Variants in NUDT3 observed in about 807,000 individuals in gnomAD.
The protein encoded by NUDT3 is nudix hydrolase 3.
In NUDT3, 9 loss-of-function variants were observed where a neutral mutation model predicts 23.6. That is an observed-to-expected ratio of 0.38 (90% confidence interval 0.23 to 0.66). NUDT3 has a LOEUF of 0.66. NUDT3 is among the 30% of genes least tolerant of loss of function. The probability of loss-of-function intolerance (pLI) is 0.52; values close to 1 mark genes in which losing one functional copy is unlikely to be tolerated. For synonymous variants in NUDT3, 86 were observed against 82.6 expected (o/e 1.04, Z -0.22); for missense variants, 172 against 218.5 (o/e 0.79, Z 1.34).
At chr6:34,317,500 G>T (rs562022102) in intron 2 of NUDT3, among the ~76,000 whole-genome samples, 6 of 152,146 alleles carry the variant, frequency 3.9e-5, no homozygotes, top group African/African-American at 1.4e-4. Context: ...AGACAACTCA[G>T]ATGTAGGAGA....
intron 3 of NUDT3, among the ~76,000 whole-genome samples, chr6:34,293,873 C>T (rs1032574251): frequency 6.6e-6 from 1 of 152,152 alleles, no homozygotes; most frequent in Non-Finnish European, 1.5e-5. Flanking sequence ...GATGGGTGGG[C>T]TACCACAGAG....
At chr6:34,376,534 CCCAAAGTGCTGGGATT>C (rs1764925869) in intron 1 of NUDT3, among the ~76,000 whole-genome samples, 1 of 152,170 alleles carries the variant, frequency 6.6e-6, no homozygotes, top group Non-Finnish European at 1.5e-5. Context: ...GCTTCCGCCT[CCCAAAGTGCTGGGATT>C]ACAGGCGTGA....
intron 2 of NUDT3, among the ~76,000 whole-genome samples, chr6:34,331,195 C>T (rs1764122269): frequency 6.6e-6 from 1 of 152,096 alleles, no homozygotes; most frequent in Admixed American, 6.6e-5. Context: ...ATTAACAAGG[C>T]TAGAGATAAT....
Position 34,349,406 on chromosome 6 carries a change from A to C in NUDT3, c.100-7434T>G, listed in dbSNP as rs1019291258. On this transcript the variant is annotated intron_variant, in intron 1 of 4. Coordinates refer to ENST00000607016, the MANE Select transcript of NUDT3 (RefSeq NM_006703.4). ...GGGTCAATGGTGTAGCAGCCTTCCAAGGAGAATATGGAGGCGTCAGTGGAG... is the reference window on the plus strand; with the variant it reads ...GGGTCAATGGTGTAGCAGCCTTCCACGGAGAATATGGAGGCGTCAGTGGAG... 2.5e-4 allele frequency among the ~76,000 whole-genome samples: 35 copies of C among 141,124 alleles called. 4 individuals are homozygous for C. The highest frequency in any genetic ancestry group is 1.0e-3 in the Admixed American group (15 of 14,500). The allele number at this position is 141,124 out of a possible 152,430, so 92.6% of individuals were successfully genotyped here.
chr6:34,362,666 G>C (rs1287207463), intron 1 of NUDT3, among the ~76,000 whole-genome samples: 1 of 152,046 alleles, frequency 6.6e-6, no homozygotes, highest in Non-Finnish European at 1.5e-5. Flanking sequence ...ATATTGGCCA[G>C]GCTGGTCTCA....
intron 2 of NUDT3, among the ~76,000 whole-genome samples, chr6:34,303,721 T>C (rs1381299538): frequency 1.3e-5 from 2 of 152,186 alleles, no homozygotes; most frequent in Admixed American, 6.6e-5. Context: ...TAAATGACAA[T>C]TTACTGTTCT....
intron 1 of NUDT3, among the ~76,000 whole-genome samples, chr6:34,349,373 T>C (rs1407977723): frequency 1.4e-5 from 2 of 139,814 alleles, no homozygotes; most frequent in East Asian, 1.9e-4. Flanking sequence ...ACTCCTTGGA[T>C]ATGGGCTGGG....
chr6:34,360,161 T>C (rs541883464), intron 1 of NUDT3, among the ~76,000 whole-genome samples: 24 of 137,736 alleles, frequency 1.7e-4, no homozygotes, highest in African/African-American at 5.8e-4. Flanking sequence ...CCTGGGGAGG[T>C]TGAAGCTGCA....
At chr6:34,295,769 T>C (rs190400036) in intron 2 of NUDT3, 84 bp from the exon 3 acceptor site, 16 of 1,554,612 alleles carry the variant, frequency 1.0e-5, no homozygotes, top group African/African-American at 6.9e-5. Context: ...GTTTATAAAA[T>C]AGAAACAAAA....
Position 34,282,962 on chromosome 6 carries a change from T to TC in NUDT3, c.*5790dup, listed in dbSNP as rs1328034868. ...CTTTTGTTGGCTAAAAGCACTTTCT[T>TC]CAGCATTCTGAGTTAACACGGGTTC... is the stretch of plus-strand genomic sequence containing the variant. On this transcript the variant is annotated 3_prime_UTR_variant, in exon 5 of 5. Transcript: ENST00000607016. 1 of 152,190 alleles carries TC rather than the reference T, an allele frequency of 6.6e-6. No individual in the cohort carries two copies. The highest frequency in any genetic ancestry group is 1.5e-5 in the Non-Finnish European group (1 of 68,028). 9.4% of individuals were successfully genotyped at this position (152,190 alleles called of 1,614,324 possible). A position where few individuals can be genotyped will look rare whatever the true frequency, so the allele number is the denominator to read the frequency against.
At chr6:34,360,237 C>CAAAAA (rs34629409) in intron 1 of NUDT3, among the ~76,000 whole-genome samples, 1 of 50,708 alleles carries the variant, frequency 2.0e-5, no homozygotes, top group Non-Finnish European at 4.4e-5. Context: ...GACCCTGTCT[C>CAAAAA]AAAAAAAAAA....
At chr6:34,358,180 CTCT>C (rs1764592548) in intron 1 of NUDT3, among the ~76,000 whole-genome samples, 1 of 151,888 alleles carries the variant, frequency 6.6e-6, no homozygotes, top group African/African-American at 2.4e-5. Context: ...TTGCCCTTCA[CTCT>C]TCTTTTTCAG....
rs865794324 is a variant in NUDT3 at position 34,328,234 on chromosome 6, G to A, written c.210+13628C>T. Among the ~76,000 whole-genome samples, 5 of 152,154 alleles carry A rather than the reference G, an allele frequency of 3.3e-5. No homozygotes were observed. In the South Asian group the frequency reaches 8.3e-4, roughly 25 times the overall value. Reference sequence around the variant, plus strand: ...TTTCTCTTGAAACATCAGAGGATCTGATCACACTGGGTCTTCCCCTTACCC... The same window carrying A: ...TTTCTCTTGAAACATCAGAGGATCTAATCACACTGGGTCTTCCCCTTACCC... On this transcript the variant is annotated intron_variant, in intron 2 of 4. Coordinates refer to ENST00000607016, the MANE Select transcript of NUDT3 (RefSeq NM_006703.4).
intron 2 of NUDT3, among the ~76,000 whole-genome samples, chr6:34,338,881 C>A (rs1300026382): frequency 6.6e-6 from 1 of 152,140 alleles, no homozygotes; most frequent in African/African-American, 2.4e-5. Flanking sequence ...TAATTGCAGA[C>A]AACAGAATCC....
At chr6:34,313,039 C>T (rs544320875) in intron 2 of NUDT3, among the ~76,000 whole-genome samples, 13 of 151,832 alleles carry the variant, frequency 8.6e-5, no homozygotes, top group South Asian at 2.1e-4. Context: ...TGGTGGCGCA[C>T]GACTACAGGC....
At chr6:34,289,042 TC>T (rs1474132018) in intron 4 of NUDT3, 111 bp from the exon 5 acceptor site, 73 of 1,337,262 alleles carry the variant, frequency 5.5e-5, no homozygotes, top group Admixed American at 1.6e-4. Flanking sequence ...ACACTTTTTT[TC>T]CTTACAAAAA....
chr6:34,351,505 GC>G (rs1222136840), intron 1 of NUDT3, among the ~76,000 whole-genome samples: 1 of 149,484 alleles, frequency 6.7e-6, no homozygotes, highest in Non-Finnish European at 1.5e-5. Flanking sequence ...ACTTTGGGAG[GC>G]CAAGGCGGGC....
At chr6:34,352,473 G>A (rs1403389639) in intron 1 of NUDT3, among the ~76,000 whole-genome samples, 1 of 152,076 alleles carries the variant, frequency 6.6e-6, no homozygotes, top group African/African-American at 2.4e-5. Context: ...CCTGGGCCTT[G>A]AGCTTATTTT....
Position 34,286,748 on chromosome 6 carries a change from A to C in NUDT3, c.*2005T>G, listed in dbSNP as rs1467208277. ...GCTCTGTGTGTGAAGATTGGGGGAG[A>C]GGATGTAAACTAAGAGTATATAGCA... On this transcript the variant is annotated 3_prime_UTR_variant, in exon 5 of 5. Coordinates refer to ENST00000607016, the MANE Select transcript of NUDT3 (RefSeq NM_006703.4). 2 of 145,656 alleles carry C rather than the reference A, an allele frequency of 1.4e-5. No homozygotes were observed. The highest frequency in any genetic ancestry group is 3.0e-5 in the Non-Finnish European group (2 of 66,938). 9.0% of individuals were successfully genotyped at this position (145,656 alleles called of 1,614,324 possible).
Sources: gnomAD v4.1 joint callset for allele counts (sites outside exome capture counted in the v4.1 genomes callset) on GRCh38, gnomAD v4.1.1 for gene constraint, MANE v1.5 for transcripts, NCBI Gene and HGNC (gene_info 2026-07-23, HGNC 2026-07-21) for gene names.